The following FGF14 variants were observed in gnomAD, a reference collection of about 807,000 sequenced individuals.
FGF14 encodes the protein fibroblast growth factor homologous factor 4.
FGF14 carries 5 observed loss-of-function variants against 25.5 expected under a neutral mutation model. That is an observed-to-expected ratio of 0.20 (90% CI 0.10 to 0.41). FGF14 has a LOEUF of 0.41. Among genes scored for constraint, FGF14 ranks in the 10% least tolerant of loss-of-function variants. The pLI is 1.00. For missense variants in FGF14, 222 were observed against 320.1 expected (o/e 0.69, Z 2.34); for synonymous variants, 138 against 118.3 (o/e 1.17, Z -1.08).
chr13:101,821,173 C>A (rs2140238038), intron 3 of FGF14, among the ~76,000 whole-genome samples: 1 of 152,292 alleles, frequency 6.6e-6, no homozygotes. Context: ...TGTTCTCGAT[C>A]TCCTGACCTC....
intron 3 of FGF14, among the ~76,000 whole-genome samples, chr13:101,828,244 A>G (rs892100613): frequency 2.0e-5 from 3 of 152,034 alleles, no homozygotes; most frequent in Non-Finnish European, 4.4e-5. Context: ...AGACGCCAAT[A>G]TGTCCAAAAT....
chr13:102,327,848 C>T (rs536126213), intron 1 of FGF14, among the ~76,000 whole-genome samples: 1 of 118,852 alleles, frequency 8.4e-6, no homozygotes, highest in African/African-American at 3.2e-5. Flanking sequence ...AAAAACAGAA[C>T]AAAAAACAAA....
intron 1 of FGF14, among the ~76,000 whole-genome samples, chr13:101,895,535 C>G (rs547071351): frequency 7.9e-5 from 12 of 152,262 alleles, no homozygotes; most frequent in African/African-American, 2.9e-4. Context: ...AGTAAAGAAT[C>G]ACTCAAAATC....
At chr13:101,804,831 T>C (rs1050564214) in intron 3 of FGF14, among the ~76,000 whole-genome samples, 3 of 152,096 alleles carry the variant, frequency 2.0e-5, no homozygotes, top group African/African-American at 2.4e-5. Context: ...TTTAAGAAAA[T>C]TATATCTTTG....
chr13:102,204,373 G>C (rs2049809073), intron 1 of FGF14, among the ~76,000 whole-genome samples: 1 of 151,984 alleles, frequency 6.6e-6, no homozygotes, highest in Non-Finnish European at 1.5e-5. Context: ...TGGATAAACT[G>C]GACAACCTCA....
At chr13:101,732,360 G>A (rs1316009480) in intron 3 of FGF14, among the ~76,000 whole-genome samples, 1 of 152,086 alleles carries the variant, frequency 6.6e-6, no homozygotes, top group Non-Finnish European at 1.5e-5. Context: ...AGAATACTAG[G>A]CAATTCCAAA....
chr13:102,386,569 T>C (rs1403294198), intron 1 of FGF14, among the ~76,000 whole-genome samples: 1 of 152,230 alleles, frequency 6.6e-6, no homozygotes, highest in Non-Finnish European at 1.5e-5. Flanking sequence ...GTTATCAAGA[T>C]ACGCTGACAT....
At chr13:101,792,004 C>T (rs1412096563) in intron 3 of FGF14, among the ~76,000 whole-genome samples, 1 of 152,102 alleles carries the variant, frequency 6.6e-6, no homozygotes, top group African/African-American at 2.4e-5. Context: ...GAAATTATTA[C>T]TGAAGCCTTA....
chr13:102,282,311 C>G (rs1317803801), intron 1 of FGF14, among the ~76,000 whole-genome samples: 1 of 152,046 alleles, frequency 6.6e-6, no homozygotes, highest in Non-Finnish European at 1.5e-5. Flanking sequence ...GGTGATCCGC[C>G]CACCTTGGCC....
chr13:101,974,876 A>G (rs1470918070), intron 1 of FGF14, among the ~76,000 whole-genome samples: 1 of 152,326 alleles, frequency 6.6e-6, no homozygotes, highest in East Asian at 1.9e-4. Flanking sequence ...CAGATCAGAA[A>G]TAAGAGATTT....
intron 3 of FGF14, among the ~76,000 whole-genome samples, chr13:101,773,792 G>A (rs2038926142): frequency 1.3e-5 from 2 of 150,116 alleles, no homozygotes; most frequent in Admixed American, 6.7e-5. Context: ...AGAAGACTTG[G>A]GCTAAAGTCC....
At chr13:101,894,205 A>G (rs945900763) in intron 1 of FGF14, among the ~76,000 whole-genome samples, 2 of 152,184 alleles carry the variant, frequency 1.3e-5, no homozygotes, top group East Asian at 1.9e-4. Flanking sequence ...TATCTACATT[A>G]TGATTAAAAT....
At chr13:102,013,697 G>T (rs1398579411) in intron 1 of FGF14, among the ~76,000 whole-genome samples, 1 of 152,176 alleles carries the variant, frequency 6.6e-6, no homozygotes, top group African/African-American at 2.4e-5. Flanking sequence ...GCGTAAGGTT[G>T]CCTGGAAGTG....
In FGF14 at chr13:101,715,827, A is replaced by G; in HGVS notation, c.*7004T>C. ...TACCTATTAGAAATGAGTTATGCAAATTTAGATGCAAATAACATTAGAAAA... is the reference window on the plus strand; with the variant it reads ...TACCTATTAGAAATGAGTTATGCAAGTTTAGATGCAAATAACATTAGAAAA... On this transcript the variant is annotated 3_prime_UTR_variant, in exon 5 of 5. Coordinates refer to ENST00000376143, the MANE Select transcript of FGF14 (RefSeq NM_004115.4). 2.1e-6 allele frequency: 1 copy of G among 477,616 alleles called. No homozygotes were observed. Among genetic ancestry groups the G allele is most frequent in the Non-Finnish European group, 3.8e-6 (1 of 264,810 alleles). 29.6% of individuals were successfully genotyped at this position (477,616 alleles called of 1,614,324 possible). A position where few individuals can be genotyped will look rare whatever the true frequency, so the allele number is the denominator to read the frequency against.
intron 3 of FGF14, among the ~76,000 whole-genome samples, chr13:101,813,877 C>G (rs1046896791): frequency 6.6e-6 from 1 of 152,104 alleles, no homozygotes; most frequent in Non-Finnish European, 1.5e-5. Flanking sequence ...ACAGGGGATT[C>G]GAGGAACCAA....
chr13:101,786,213 C>T (rs2039815710), intron 3 of FGF14, among the ~76,000 whole-genome samples: 1 of 152,212 alleles, frequency 6.6e-6, no homozygotes, highest in African/African-American at 2.4e-5. Context: ...CTCATCTTCA[C>T]TAAGTCTGTC....
chr13:102,401,383 C>G, intron 1 of FGF14: 1 of 1,252,360 alleles, frequency 8.0e-7, no homozygotes, highest in South Asian at 1.2e-5. Context: ...CCCCTGCCTT[C>G]CTGCATAGCA....
intron 1 of FGF14, among the ~76,000 whole-genome samples, chr13:102,060,451 G>A (rs2042632526): frequency 1.3e-5 from 2 of 151,862 alleles, no homozygotes; most frequent in African/African-American, 2.4e-5. Flanking sequence ...GCATGAACCC[G>A]GGGGGCAGAG....
chr13:101,922,267 A>G (rs962694654), intron 1 of FGF14, among the ~76,000 whole-genome samples: 4 of 152,194 alleles, frequency 2.6e-5, no homozygotes, highest in Non-Finnish European at 5.9e-5. Flanking sequence ...CTAAAATTCT[A>G]TCTGGATTAC....
Sources: allele counts gnomAD v4.1 joint callset (sites outside exome capture counted in the v4.1 genomes callset), GRCh38; gene constraint gnomAD v4.1.1; transcripts MANE v1.5; gene names NCBI Gene and HGNC (gene_info 2026-07-23, HGNC 2026-07-21).